Variants in MYT1L observed in about 807,000 individuals in gnomAD.
The protein encoded by MYT1L is myelin transcription factor 1 like.
A neutral mutation model predicts 126.7 loss-of-function variants in MYT1L; 12 were observed. The observed-to-expected ratio is 0.09, with a 90% CI of 0.06 to 0.15. The LOEUF (loss-of-function observed/expected upper bound fraction) is 0.15, where lower values mean the gene tolerates loss of function less well. Among genes scored for constraint, MYT1L ranks in the 10% least tolerant of loss-of-function variants. The probability of loss-of-function intolerance (pLI) is 1.00; values close to 1 mark genes in which losing one functional copy is unlikely to be tolerated. For missense variants in MYT1L, 979 were observed against 1,585.2 expected (o/e 0.62, Z 6.49); for synonymous variants, 541 against 604.2 (o/e 0.90, Z 1.53).
At chr2:2,330,650 C>T (rs2096279283) in intron 1 of MYT1L, among the ~76,000 whole-genome samples, 1 of 152,200 alleles carries the variant, frequency 6.6e-6, no homozygotes, top group Non-Finnish European at 1.5e-5. Flanking sequence ...AGTAAAGTCT[C>T]TGGGAAGTTT....
intron 18 of MYT1L, among the ~76,000 whole-genome samples, chr2:1,867,249 T>A (rs935846556): frequency 2.4e-4 from 37 of 151,944 alleles, no homozygotes; most frequent in Non-Finnish European, 8.8e-5. Flanking sequence ...AAGGTGTGGA[T>A]GAAGGGGGGC....
At chr2:2,101,939 A>G (rs1575166254) in intron 3 of MYT1L, among the ~76,000 whole-genome samples, 2 of 152,240 alleles carry the variant, frequency 1.3e-5, no homozygotes, top group African/African-American at 4.8e-5. Flanking sequence ...AGCAGGACCT[A>G]TGATTAGGTT....
At chr2:2,060,309 T>C (rs2070226211) in intron 3 of MYT1L, among the ~76,000 whole-genome samples, 1 of 152,242 alleles carries the variant, frequency 6.6e-6, no homozygotes, top group South Asian at 2.1e-4. Flanking sequence ...TTCATAGCTG[T>C]ATTATAAAAT....
In MYT1L at chr2:2,059,084, C is replaced by T. The variant is rs1017836067; in HGVS notation, c.-303-4961G>A. Among the ~76,000 whole-genome samples the T allele has an allele frequency of 2.6e-4, 39 of 152,168 alleles. No individual in the cohort carries two copies. Among genetic ancestry groups the T allele is most frequent in the African/African-American group, 9.4e-4 (39 of 41,440 alleles). On this transcript the variant is annotated intron_variant, in intron 3 of 24. Coordinates refer to ENST00000647738, the MANE Select transcript of MYT1L (RefSeq NM_001303052.2). The surrounding 1 kb of genome is among the most constrained non-coding windows in gnomAD (Gnocchi z 4.7). ...GCTGTTTGAGAGAAGGAAGAATTCACTCAGTCTTATAGACACAGTGGTCTT... is the reference window on the plus strand; with the variant it reads ...GCTGTTTGAGAGAAGGAAGAATTCATTCAGTCTTATAGACACAGTGGTCTT...
At chr2:2,080,101 G>A (rs1049097346) in intron 3 of MYT1L, among the ~76,000 whole-genome samples, 3 of 152,150 alleles carry the variant, frequency 2.0e-5, no homozygotes, top group Admixed American at 6.5e-5. Flanking sequence ...AATGGTGTTG[G>A]AACAACTGGG....
At chr2:1,909,782 G>A (rs1000437390) in intron 13 of MYT1L, among the ~76,000 whole-genome samples, 14 of 152,138 alleles carry the variant, frequency 9.2e-5, no homozygotes, top group African/African-American at 3.1e-4. Flanking sequence ...AGCTCTGCCG[G>A]TTTTGCACGC....
chr2:1,912,170 A>G lies in MYT1L; in HGVS notation c.1619-60T>C, dbSNP rs554177081. 4 of 1,228,022 alleles carry G rather than the reference A, an allele frequency of 3.3e-6. No individual in the cohort carries two copies. The South Asian group carries it at 6.4e-5, about 20-fold the overall frequency. The allele number at this position is 1,228,022 out of a possible 1,614,324, so 76.1% of individuals were successfully genotyped here. A position where few individuals can be genotyped will look rare whatever the true frequency, so the allele number is the denominator to read the frequency against. The stretch of plus-strand genomic sequence containing the variant: ...TAAAACAGAGGCACGGTTAGGGCAC[A>G]TGAAAATGCAGTCATTTAACAAAGG... On this transcript the variant is annotated intron_variant, in intron 11 of 24. Coordinates refer to ENST00000647738, the MANE Select transcript of MYT1L (RefSeq NM_001303052.2). The surrounding 1 kb of genome is among the most constrained non-coding windows in gnomAD (Gnocchi z 4.3).
intron 2 of MYT1L, among the ~76,000 whole-genome samples, chr2:2,174,003 G>T (rs574904038): frequency 4.1e-4 from 62 of 152,212 alleles, no homozygotes; most frequent in African/African-American, 1.4e-3. Flanking sequence ...CCAATAAAAT[G>T]CAACCATAAC....
At chr2:2,152,585 T>A (rs1375513517) in intron 3 of MYT1L, among the ~76,000 whole-genome samples, 2 of 152,126 alleles carry the variant, frequency 1.3e-5, no homozygotes, top group African/African-American at 4.8e-5. Flanking sequence ...ACAATGTCAT[T>A]CTGTGCAGAG....
intron 1 of MYT1L, among the ~76,000 whole-genome samples, chr2:2,296,890 T>A (rs993395502): frequency 6.6e-6 from 1 of 152,136 alleles, no homozygotes; most frequent in Non-Finnish European, 1.5e-5. Context: ...AGCCTCCTCA[T>A]AGCAATGCCC....
intron 4 of MYT1L, among the ~76,000 whole-genome samples, chr2:2,003,485 T>C (rs2149671016): frequency 6.6e-6 from 1 of 152,252 alleles, no homozygotes; most frequent in East Asian, 1.9e-4. Context: ...ACAGAGCTCT[T>C]CTCTCCCTCC....
In MYT1L at chr2:1,979,638, G is replaced by C; in HGVS notation, c.56-84C>G. 1 of 1,603,408 alleles carries C rather than the reference G, an allele frequency of 6.2e-7. No homozygotes were observed. Among genetic ancestry groups the C allele is most frequent in the South Asian group, 1.1e-5 (1 of 90,726 alleles). On this transcript the variant is annotated intron_variant, in intron 6 of 24. Coordinates refer to ENST00000647738, the MANE Select transcript of MYT1L (RefSeq NM_001303052.2). This position sits in a 1 kb window ranked among gnomAD's most constrained non-coding sequence, Gnocchi z 4.0. ...CAGAAAATTACCAAAAGGGTGGCAT[G>C]AAAGTGGGGTCAGAATCGACCTCAG...
intron 13 of MYT1L, among the ~76,000 whole-genome samples, chr2:1,906,004 C>T (rs2050999579): frequency 6.6e-6 from 1 of 152,208 alleles, no homozygotes; most frequent in Admixed American, 6.5e-5. Flanking sequence ...ATCATCTATA[C>T]TTGCCTTACA....
chr2:2,043,603 T>C (rs1183726661), intron 4 of MYT1L, among the ~76,000 whole-genome samples: 2 of 152,180 alleles, frequency 1.3e-5, no homozygotes, highest in Non-Finnish European at 2.9e-5. Flanking sequence ...CTGTGCCCAC[T>C]GTCTGTGTGG....
intron 1 of MYT1L, among the ~76,000 whole-genome samples, chr2:2,330,009 T>G (rs991438233): frequency 6.6e-6 from 1 of 152,070 alleles, no homozygotes; most frequent in African/African-American, 2.4e-5. Context: ...TAAAACTCTT[T>G]TCTTTTAAAA....
intron 2 of MYT1L, among the ~76,000 whole-genome samples, chr2:2,241,392 T>C (rs1491003757): frequency 2.0e-5 from 3 of 152,174 alleles, no homozygotes; most frequent in South Asian, 2.1e-4. Context: ...CTCGTTTCTA[T>C]GACCCCAGCA....
chr2:2,030,864 T>C (rs2066161095), intron 4 of MYT1L, among the ~76,000 whole-genome samples: 1 of 152,220 alleles, frequency 6.6e-6, no homozygotes, highest in East Asian at 1.9e-4. Flanking sequence ...TAAAATTTGG[T>C]GCTCATATAT....
intron 3 of MYT1L, among the ~76,000 whole-genome samples, chr2:2,113,434 G>C (rs1253300076): frequency 6.6e-6 from 1 of 152,148 alleles, no homozygotes; most frequent in Non-Finnish European, 1.5e-5. Context: ...CAGCCAGCCA[G>C]GTCACTCCTG....
chr2:2,012,357 T>A (rs2063914794), intron 4 of MYT1L, among the ~76,000 whole-genome samples: 1 of 152,194 alleles, frequency 6.6e-6, no homozygotes, highest in Non-Finnish European at 1.5e-5. Flanking sequence ...GTGAGAGAAG[T>A]CAGTCTCACA....
Sources: allele counts gnomAD v4.1 joint callset (sites outside exome capture counted in the v4.1 genomes callset), GRCh38; gene constraint gnomAD v4.1.1; non-coding constraint Gnocchi (gnomAD v3.1); transcripts MANE v1.5; gene names NCBI Gene and HGNC (gene_info 2026-07-23, HGNC 2026-07-21).